Variants in GNA12 observed in about 807,000 individuals in gnomAD.
The protein encoded by GNA12 is G protein subunit alpha 12, also known as guanine nucleotide-binding protein subunit alpha-12.
Under a neutral mutation model 26.0 loss-of-function variants are expected in GNA12, and 9 were observed. That is an observed-to-expected ratio of 0.35 (90% CI 0.21 to 0.60). The LOEUF is 0.60. Ranked by LOEUF, GNA12 falls within the 20% of genes least tolerant of loss-of-function variation. The pLI is 0.78. For synonymous variants in GNA12, 264 were observed against 219.6 expected, an observed-to-expected ratio of 1.20 and a Z score of -1.79; for missense variants, 405 against 525.8, an observed-to-expected ratio of 0.77 and a Z score of 2.25.
chr7:2,814,264 G>T, intron 1 of GNA12: 2 of 929,410 alleles, frequency 2.2e-6, no homozygotes, highest in Non-Finnish European at 3.6e-6. Flanking sequence ...AATCCTGACT[G>T]AGATCAGGGA....
At chr7:2,753,948 G>C (rs1791162255) in intron 2 of GNA12, among the ~76,000 whole-genome samples, 1 of 152,178 alleles carries the variant, frequency 6.6e-6, no homozygotes. Context: ...GAGCTCTGTA[G>C]GTCCGGCGGC....
intron 2 of GNA12, among the ~76,000 whole-genome samples, chr7:2,753,988 T>TG (rs1791164958): frequency 6.6e-6 from 1 of 152,190 alleles, no homozygotes; most frequent in South Asian, 2.1e-4. Context: ...CACTTGGATA[T>TG]GCTCAGTGAC....
chr7:2,785,931 G>T (rs184255305), intron 2 of GNA12, among the ~76,000 whole-genome samples: 1 of 152,218 alleles, frequency 6.6e-6, no homozygotes. Flanking sequence ...GTCAGGTGTG[G>T]TGGCGGACGC....
Position 2,731,145 on chromosome 7 carries a change from G to A in GNA12, c.*36C>T. The A allele has an allele frequency of 1.4e-6, 2 of 1,421,610 alleles. No individual in the cohort carries two copies. Among genetic ancestry groups the A allele is most frequent in the Non-Finnish European group, 2.0e-6 (2 of 1,021,206 alleles). 88.1% of individuals were successfully genotyped at this position (1,421,610 alleles called of 1,614,324 possible). ...AAGAGTCTGACCGACAGCCGTGGGG[G>A]CTGCTCAACGACGACAAACCCCGGG... On this transcript the variant is annotated 3_prime_UTR_variant, in exon 4 of 4. Transcript: ENST00000275364. This position sits in a 1 kb window ranked among gnomAD's most constrained non-coding sequence, Gnocchi z 6.0.
At chr7:2,745,345 A>G (rs1362729380) in intron 2 of GNA12, among the ~76,000 whole-genome samples, 2 of 152,274 alleles carry the variant, frequency 1.3e-5, no homozygotes, top group African/African-American at 4.8e-5. Context: ...GCAAGCCAGA[A>G]GAGAGTGGGG....
intron 2 of GNA12, among the ~76,000 whole-genome samples, chr7:2,737,164 C>T (rs1790224832): frequency 6.6e-6 from 1 of 151,564 alleles, no homozygotes. Flanking sequence ...GATCAAGGAC[C>T]AGAGAGTGGT....
At chr7:2,800,224 G>A (rs1792776296) in intron 1 of GNA12, among the ~76,000 whole-genome samples, 1 of 152,238 alleles carries the variant, frequency 6.6e-6, no homozygotes, top group African/African-American at 2.4e-5. Flanking sequence ...CGAAAAGTCA[G>A]TCTCAAAAGA....
intron 1 of GNA12, among the ~76,000 whole-genome samples, chr7:2,810,430 A>G (rs1250692861): frequency 6.6e-6 from 1 of 152,216 alleles, no homozygotes; most frequent in Non-Finnish European, 1.5e-5. Context: ...GAATTTTGAG[A>G]TGGACACATT....
At chr7:2,842,641 GAAGC>G (rs1221277290) in intron 1 of GNA12, among the ~76,000 whole-genome samples, 1 of 152,204 alleles carries the variant, frequency 6.6e-6, no homozygotes, top group Non-Finnish European at 1.5e-5. Flanking sequence ...GAGAAAAAAG[GAAGC>G]AAGAGACAGG....
intron 1 of GNA12, among the ~76,000 whole-genome samples, chr7:2,829,613 ATTC>A (rs1396233803): frequency 1.3e-4 from 20 of 152,152 alleles, no homozygotes; most frequent in Admixed American, 7.9e-4. Flanking sequence ...TATACTTATT[ATTC>A]TTATACAATA....
rs200057520 is a variant in GNA12, at chr7:2,809,767, A to C, written c.310-14624T>G. 9.2e-5 allele frequency among the ~76,000 whole-genome samples: 14 copies of C among 152,336 alleles called. No homozygotes were observed. The South Asian group carries it at 1.7e-3, about 18-fold the overall frequency. Reference sequence around the variant, plus strand: ...AGTGACTGATAGCGTTTAATAGAAGAAGCAATTTTCACACATCTGTAAATA... The same window carrying C: ...AGTGACTGATAGCGTTTAATAGAAGCAGCAATTTTCACACATCTGTAAATA... On this transcript the variant is annotated intron_variant, in intron 1 of 3. Transcript: ENST00000275364.
rs118115250 is a variant in GNA12, at chr7:2,775,697, C to T, written c.525+19231G>A. On this transcript the variant is annotated intron_variant, in intron 2 of 3. Coordinates refer to ENST00000275364, the MANE Select transcript of GNA12 (RefSeq NM_007353.3). ...AGAAGATATCTGCCATCAAACTCTG[C>T]CTATGAATTAAAGCAGAGGGCCAGG... 8.2e-3 allele frequency among the ~76,000 whole-genome samples: 1,246 copies of T among 152,294 alleles called. 14 individuals carry two copies. In the Middle Eastern group the frequency reaches 0.085, roughly 10 times the overall value.
rs1413746946 is a variant in GNA12, at chr7:2,728,291, G to A, written c.*2890C>T. 6.6e-6 allele frequency: 1 copy of A among 152,114 alleles called. No homozygotes were observed. The highest frequency in any genetic ancestry group is 1.5e-5 in the Non-Finnish European group (1 of 68,010). The allele number at this position is 152,114 out of a possible 1,614,324, so 9.4% of individuals were successfully genotyped here. A position where few individuals can be genotyped will look rare whatever the true frequency, so the allele number is the denominator to read the frequency against. On this transcript the variant is annotated 3_prime_UTR_variant, in exon 4 of 4. Transcript: ENST00000275364. ...CCTTACAATACCAGGTTAGATGTCT[G>A]TGCCCAGAACCCCTAAATTAGTTAC...
chr7:2,844,234 C>T lies in GNA12; in HGVS notation c.-73G>A. The stretch of plus-strand genomic sequence containing the variant: ...ACGCTCCCGCCGGCGAGGGCGAGCC[C>T]GGGCCGAGGCACCGCCCCACGCCCC... On this transcript the variant is annotated 5_prime_UTR_variant, in exon 1 of 4. Transcript: ENST00000275364. The T allele has an allele frequency of 1.3e-6, 1 of 749,668 alleles. No homozygotes were observed. Among genetic ancestry groups the T allele is most frequent in the Non-Finnish European group, 1.6e-6 (1 of 616,868 alleles). 46.4% of individuals were successfully genotyped at this position (749,668 alleles called of 1,614,324 possible). A position where few individuals can be genotyped will look rare whatever the true frequency, so the allele number is the denominator to read the frequency against.
intron 1 of GNA12, among the ~76,000 whole-genome samples, chr7:2,795,834 T>C (rs1002416558): frequency 4.3e-5 from 6 of 139,056 alleles, no homozygotes; most frequent in Admixed American, 7.3e-5. Flanking sequence ...TTTTTTTTTT[T>C]CTTAGATGGA....
intron 1 of GNA12, among the ~76,000 whole-genome samples, chr7:2,834,175 G>A (rs188475302): frequency 4.6e-5 from 7 of 152,218 alleles, no homozygotes; most frequent in African/African-American, 1.7e-4. Context: ...GGACTAGAAA[G>A]TTCTGATTCT....
chr7:2,840,849 G>A (rs527749530), intron 1 of GNA12, among the ~76,000 whole-genome samples: 28 of 151,056 alleles, frequency 1.9e-4, no homozygotes, highest in Non-Finnish European at 4.0e-4. Context: ...ATGAGACTCT[G>A]TCTCAAAAAA....
chr7:2,790,582 C>A (rs1792491538), intron 2 of GNA12, among the ~76,000 whole-genome samples: 1 of 152,158 alleles, frequency 6.6e-6, no homozygotes, highest in African/African-American at 2.4e-5. Flanking sequence ...CTATGACATA[C>A]AAATCCAGGT....
chr7:2,777,413 T>C (rs1047134187), intron 2 of GNA12, among the ~76,000 whole-genome samples: 2 of 152,224 alleles, frequency 1.3e-5, no homozygotes, highest in African/African-American at 4.8e-5. Flanking sequence ...GAAGACCAAA[T>C]GTATACTTCA....
Sources: gnomAD v4.1 joint callset for allele counts (sites outside exome capture counted in the v4.1 genomes callset) on GRCh38, gnomAD v4.1.1 for gene constraint, Gnocchi (gnomAD v3.1) non-coding constraint, MANE v1.5 for transcripts, NCBI Gene and HGNC (gene_info 2026-07-23, HGNC 2026-07-21) for gene names.